The following TSPAN17 variants were observed in gnomAD, a reference collection of about 807,000 sequenced individuals.
TSPAN17 encodes tetraspanin 17.
In TSPAN17, 33 loss-of-function variants were observed where a neutral mutation model predicts 40.5. The ratio of observed to expected loss-of-function variants is 0.81; its 90% CI spans 0.62 to 1.09. The LOEUF (loss-of-function observed/expected upper bound fraction) is 1.09, where lower values mean the gene tolerates loss of function less well. Among genes scored for constraint, TSPAN17 ranks in the 50% least tolerant of loss-of-function variants. The probability of loss-of-function intolerance (pLI) is 0.00; values close to 1 mark genes in which losing one functional copy is unlikely to be tolerated. For missense variants in TSPAN17, 365 were observed against 416.8 expected (o/e 0.88, Z 1.08); for synonymous variants, 166 against 169.4 (o/e 0.98, Z 0.15).
chr5:176,658,137 TGAC>T lies in TSPAN17; in HGVS notation c.*440_*442del, dbSNP rs1220968985. ...AGCCTGTTTGGGGGATCTGGATGGT[TGAC>T]TCCTAGGAGTCAAGTTCAGCATCTT... is the stretch of plus-strand genomic sequence containing the variant. On this transcript the variant is annotated 3_prime_UTR_variant, in exon 9 of 9. Transcript: ENST00000508164. 1 of 157,666 alleles carries T rather than the reference TGAC, an allele frequency of 6.3e-6. No individual in the cohort carries two copies. Among genetic ancestry groups the T allele is most frequent in the East Asian group, 1.9e-4 (1 of 5,242 alleles). The allele number at this position is 157,666 out of a possible 1,614,324, so 9.8% of individuals were successfully genotyped here. A position where few individuals can be genotyped will look rare whatever the true frequency, so the allele number is the denominator to read the frequency against.
At chr5:176,657,376 G>C in intron 8 of TSPAN17, 142 bp from the exon 9 acceptor site, 1 of 1,421,764 alleles carries the variant, frequency 7.0e-7, no homozygotes, top group East Asian at 2.5e-5. Context: ...GGGGCGCGTT[G>C]CCTGAGCCAC....
In TSPAN17 at chr5:176,651,666, G is replaced by A. The variant is rs1186577492; in HGVS notation, c.138G>A (p.Lys46=). Residue 46 remains lysine, a splice_region_variant and synonymous_variant, in exon 2 of 9, where the codon AAG becomes AAA. Coordinates refer to ENST00000508164, the MANE Select transcript of TSPAN17 (RefSeq NM_130465.5). This position sits in a 1 kb window ranked among gnomAD's most constrained non-coding sequence, Gnocchi z 4.5. The stretch of plus-strand genomic sequence containing the variant: ...TCGGCCTCTGGGCCTGGGGTGAGAA[G>A]GTAAGGCAGCGGGCGGGCGTGGAGC... The part of the protein sequence containing the change: ...LAIGLWAWGE[K]GVLSNISALT... 6.2e-7 allele frequency: 1 copy of A among 1,614,030 alleles called. No individual in the cohort carries two copies. Among genetic ancestry groups the A allele is most frequent in the Non-Finnish European group, 8.5e-7 (1 of 1,179,922 alleles).
intron 4 of TSPAN17, chr5:176,653,506 C>G (rs910366345): frequency 6.5e-6 from 1 of 153,542 alleles, no homozygotes; most frequent in Non-Finnish European, 1.5e-5. Context: ...ACCATCTCGC[C>G]CACTCACCCC....
Position 176,652,925 on chromosome 5 carries a change from G to A in TSPAN17, c.456+12G>A. On this transcript the variant is annotated intron_variant, in intron 4 of 8. Coordinates refer to ENST00000508164, the MANE Select transcript of TSPAN17 (RefSeq NM_130465.5). ...TTGCTCAGGAATACGTGAGTCCAGT[G>A]TCCAGCCTGGGACACCTGTAGGAGG... The A allele has an allele frequency of 6.2e-7, 1 of 1,613,728 alleles. No individual in the cohort carries two copies.
At position 176,647,536 on chromosome 5, in the gene TSPAN17, G is replaced by C; in HGVS notation, c.-80G>C. On this transcript the variant is annotated 5_prime_UTR_variant, in exon 1 of 9. Transcript: ENST00000508164. ...GCAGCCGCCCGGCTAGGCCCCGGGC[G>C]GCTCTAGCCCAGGGCGGCCCGCGGG... The C allele has an allele frequency of 2.6e-6, 3 of 1,170,856 alleles. No individual in the cohort carries two copies. Among genetic ancestry groups the C allele is most frequent in the Non-Finnish European group, 3.4e-6 (3 of 890,606 alleles). The allele number at this position is 1,170,856 out of a possible 1,614,324, so 72.5% of individuals were successfully genotyped here. A position where few individuals can be genotyped will look rare whatever the true frequency, so the allele number is the denominator to read the frequency against.
Position 176,656,786 on chromosome 5 carries a change from G to A in TSPAN17, c.717G>A (p.Ala239=), listed in dbSNP as rs779925466. The A allele has an allele frequency of 2.3e-5, 37 of 1,614,088 alleles. No individual in the cohort carries two copies. Among genetic ancestry groups the A allele is most frequent in the South Asian group, 9.9e-5 (9 of 91,086 alleles). ...TGCAGGACAACCTGATTGTGGTGGC[G>A]GGAGTCTTCATGGGCATCGCCCTCC... ...KWLQDNLIVV[A]GVFMGIALLQ... is the part of the protein sequence containing the mutation. The change falls in exon 7 of 9, where the codon GCG becomes GCA. Residue 239 remains alanine (A), a synonymous_variant. Coordinates refer to ENST00000508164, the MANE Select transcript of TSPAN17 (RefSeq NM_130465.5).
At position 176,652,924 on chromosome 5, in the gene TSPAN17, T is replaced by C. The variant is rs1359742450; in HGVS notation, c.456+11T>C. 6.2e-6 allele frequency: 10 copies of C among 1,613,634 alleles called. No homozygotes were observed. Among genetic ancestry groups the C allele is most frequent in the Non-Finnish European group, 8.5e-6 (10 of 1,179,696 alleles). ...TTTGCTCAGGAATACGTGAGTCCAG[T>C]GTCCAGCCTGGGACACCTGTAGGAG... On this transcript the variant is annotated intron_variant, in intron 4 of 8. Transcript: ENST00000508164.
Position 176,647,555 on chromosome 5 carries a change from C to CCGCGGGG in TSPAN17, c.-57_-51dup. ...CCGGGCGGCTCTAGCCCAGGGCGGCCCGCGGGGCGCTGGGCCTGGCTCCCG... is the reference window on the plus strand; with the variant it reads ...CCGGGCGGCTCTAGCCCAGGGCGGCCCGCGGGGCGCGGGGCGCTGGGCCTGGCTCCCG... On this transcript the variant is annotated 5_prime_UTR_variant, in exon 1 of 9. Transcript: ENST00000508164. 6.8e-7 allele frequency: 1 copy of CCGCGGGG among 1,474,624 alleles called. No homozygotes were observed. The allele number at this position is 1,474,624 out of a possible 1,614,324, so 91.3% of individuals were successfully genotyped here. A position where few individuals can be genotyped will look rare whatever the true frequency, so the allele number is the denominator to read the frequency against.
chr5:176,652,152 G>T (rs1313596567), intron 3 of TSPAN17, among the ~76,000 whole-genome samples: 1 of 152,160 alleles, frequency 6.6e-6, no homozygotes, highest in East Asian at 1.9e-4. Flanking sequence ...GGTGCATTTT[G>T]ATCCAGGGGC....
intron 6 of TSPAN17, among the ~76,000 whole-genome samples, chr5:176,656,339 T>G (rs1158474863): frequency 6.6e-6 from 1 of 152,224 alleles, no homozygotes; most frequent in African/African-American, 2.4e-5. Context: ...TGGAGCACCC[T>G]TGGGGTGCCC....
Position 176,652,835 on chromosome 5 carries a change from C to T in TSPAN17, c.378C>T (p.Asn126=). The change falls in exon 4 of 9, where the codon AAC becomes AAT. Residue 126 remains asparagine, a synonymous_variant. Transcript: ENST00000508164. ...VFKDWIRDQL[N]LFINNNVKAY... The stretch of plus-strand genomic sequence containing the variant: ...AGGACTGGATTCGAGACCAGCTCAA[C>T]CTCTTCATCAACAACAACGTCAAGG... The T allele has an allele frequency of 1.9e-6, 3 of 1,614,190 alleles. No homozygotes were observed. The highest frequency in any genetic ancestry group is 2.5e-6 in the Non-Finnish European group (3 of 1,180,010).
chr5:176,653,319 A>G, intron 4 of TSPAN17: 1 of 173,052 alleles, frequency 5.8e-6, no homozygotes, highest in Non-Finnish European at 1.3e-5. Context: ...ATTGTTCCCA[A>G]CACTCTGTAT....
Position 176,654,686 on chromosome 5 carries a change from A to C in TSPAN17, c.457-209A>C. On this transcript the variant is annotated intron_variant, in intron 4 of 8. Coordinates refer to ENST00000508164, the MANE Select transcript of TSPAN17 (RefSeq NM_130465.5). The surrounding 1 kb of genome is among the most constrained non-coding windows in gnomAD (Gnocchi z 4.3). ...GCCTCTCTTGGGTCGGGGAAGGGGG[A>C]GCTCAGTGTCCCCTCCCTTGCACCC... The C allele has an allele frequency of 3.6e-6, 2 of 561,828 alleles. No homozygotes were observed. The highest frequency in any genetic ancestry group is 6.3e-6 in the Non-Finnish European group (2 of 318,806). The allele number at this position is 561,828 out of a possible 1,614,324, so 34.8% of individuals were successfully genotyped here. A position where few individuals can be genotyped will look rare whatever the true frequency, so the allele number is the denominator to read the frequency against.
rs1761065808 is a variant in TSPAN17, at chr5:176,654,199, G to T, written c.457-696G>T. 6.6e-6 allele frequency: 1 copy of T among 152,642 alleles called. No homozygotes were observed. The highest frequency in any genetic ancestry group is 2.4e-5 in the African/African-American group (1 of 41,452). The allele number at this position is 152,642 out of a possible 1,614,324, so 9.5% of individuals were successfully genotyped here. On this transcript the variant is annotated intron_variant, in intron 4 of 8. Transcript: ENST00000508164. This position sits in a 1 kb window ranked among gnomAD's most constrained non-coding sequence, Gnocchi z 4.3. ...CAGGCCTGACTCCTCCAGCTCTCTG[G>T]CTCGGCCACGGGGCCTGCCTGTGTC...
Position 176,654,904 on chromosome 5 carries a change from T to A in TSPAN17, c.466T>A (p.Cys156Ser). 1 of 1,613,912 alleles carries A rather than the reference T, an allele frequency of 6.2e-7. No homozygotes were observed. The highest frequency in any genetic ancestry group is 1.1e-5 in the South Asian group (1 of 91,040). ...IDFAQEYWSCCGARGPNDWNL... is the reference protein window; with the variant it reads ...IDFAQEYWSCSGARGPNDWNL... ...TCCCCTGCCCCCACAGTGGTCTTGCTGCGGAGCCCGAGGCCCCAATGACTG... is the reference window on the plus strand; with the variant it reads ...TCCCCTGCCCCCACAGTGGTCTTGCAGCGGAGCCCGAGGCCCCAATGACTG... Residue 156 changes from cysteine (C) to serine (S), a missense_variant, in exon 5 of 9, where the codon TGC becomes AGC. Physicochemically the swap from Cys to Ser is moderately radical, Grantham distance 112. Transcript: ENST00000508164. The surrounding 1 kb of genome is among the most constrained non-coding windows in gnomAD (Gnocchi z 4.3).
intron 4 of TSPAN17, chr5:176,653,215 T>G: frequency 3.9e-6 from 1 of 258,502 alleles, no homozygotes; most frequent in Non-Finnish European, 7.6e-6. Flanking sequence ...ACATAAAATA[T>G]AGATTTCTAC....
At position 176,651,130 on chromosome 5, in the gene TSPAN17, G is replaced by A. The variant is rs770533266; in HGVS notation, c.88-486G>A. Among the ~76,000 whole-genome samples the A allele has an allele frequency of 5.3e-5, 8 of 152,178 alleles. No homozygotes were observed. Among genetic ancestry groups the A allele is most frequent in the Admixed American group, 5.2e-4 (8 of 15,282 alleles). On this transcript the variant is annotated intron_variant, in intron 1 of 8. Coordinates refer to ENST00000508164, the MANE Select transcript of TSPAN17 (RefSeq NM_130465.5). The surrounding 1 kb of genome is among the most constrained non-coding windows in gnomAD (Gnocchi z 4.5). ...GACTCTGGCAGGCGGAGGTTAAAGG[G>A]GTAGGATGGGGCTGGGCTGGGGAGG...
At position 176,654,675 on chromosome 5, in the gene TSPAN17, G is replaced by A. The variant is rs529249154; in HGVS notation, c.457-220G>A. 5.1e-5 allele frequency: 28 copies of A among 548,120 alleles called. No individual in the cohort carries two copies. The highest frequency in any genetic ancestry group is 2.9e-4 in the African/African-American group (15 of 52,328). 34.0% of individuals were successfully genotyped at this position (548,120 alleles called of 1,614,324 possible). A position where few individuals can be genotyped will look rare whatever the true frequency, so the allele number is the denominator to read the frequency against. ...CCCTTTTTCTAGCCTCTCTTGGGTC[G>A]GGGAAGGGGGAGCTCAGTGTCCCCT... On this transcript the variant is annotated intron_variant, in intron 4 of 8. Transcript: ENST00000508164. This position sits in a 1 kb window ranked among gnomAD's most constrained non-coding sequence, Gnocchi z 4.3.
chr5:176,652,141 C>T (rs761279881), intron 3 of TSPAN17, among the ~76,000 whole-genome samples: 17 of 152,256 alleles, frequency 1.1e-4, no homozygotes, highest in Middle Eastern at 3.4e-3. Context: ...TGCTGGCTGC[C>T]GGTGCATTTT....
Sources: gnomAD v4.1 joint callset for allele counts (sites outside exome capture counted in the v4.1 genomes callset) on GRCh38, gnomAD v4.1.1 for gene constraint, Gnocchi (gnomAD v3.1) non-coding constraint, MANE v1.5 for transcripts, NCBI Gene and HGNC (gene_info 2026-07-23, HGNC 2026-07-21) for gene names.